Variants in FREM3 observed in about 807,000 individuals in gnomAD.
FREM3 encodes the protein FRAS1 related extracellular matrix 3, also known as FRAS1-related extracellular matrix protein 3.
Under a neutral mutation model 129.1 loss-of-function variants are expected in FREM3, and 105 were observed. The observed-to-expected ratio is 0.81, with a 90% CI of 0.69 to 0.96. The LOEUF (loss-of-function observed/expected upper bound fraction) is 0.96. FREM3 is among the 40% of genes least tolerant of loss of function. The pLI, the probability that FREM3 is intolerant of heterozygous loss-of-function variation, is 0.00. For synonymous variants in FREM3, 1,014 were observed against 1,044.9 expected (o/e 0.97, Z 0.57); for missense variants, 2,593 against 2,666.3 (o/e 0.97, Z 0.61).
chr4:143,596,997 T>C (rs1439412878), intron 6 of FREM3, among the ~76,000 whole-genome samples: 3 of 152,076 alleles, frequency 2.0e-5, no homozygotes, highest in African/African-American at 7.2e-5. Flanking sequence ...AGCATACAGA[T>C]TGGGGTTAAT....
At chr4:143,623,872 A>G (rs1738998808) in intron 4 of FREM3, among the ~76,000 whole-genome samples, 1 of 152,180 alleles carries the variant, frequency 6.6e-6, no homozygotes, top group South Asian at 2.1e-4. Context: ...GGACTTGTAT[A>G]TATATTACAG....
At chr4:143,691,143 T>C (rs1740460401) in intron 2 of FREM3, among the ~76,000 whole-genome samples, 3 of 152,244 alleles carry the variant, frequency 2.0e-5, no homozygotes, top group Admixed American at 2.0e-4. Context: ...GTATATGTAC[T>C]TTAAGATACA....
chr4:143,587,475 A>G (rs981856113), intron 6 of FREM3, among the ~76,000 whole-genome samples: 1 of 152,192 alleles, frequency 6.6e-6, no homozygotes, highest in East Asian at 1.9e-4. Flanking sequence ...TAGTAATTGT[A>G]TGTATTTATG....
intron 6 of FREM3, among the ~76,000 whole-genome samples, chr4:143,590,209 C>A (rs1250283234): frequency 6.6e-6 from 1 of 152,108 alleles, no homozygotes; most frequent in Non-Finnish European, 1.5e-5. Flanking sequence ...TTCCTCTTTT[C>A]CTAATTGAAT....
chr4:143,599,249 A>G (rs903835460), intron 6 of FREM3, among the ~76,000 whole-genome samples: 1 of 152,184 alleles, frequency 6.6e-6, no homozygotes, highest in Non-Finnish European at 1.5e-5. Context: ...ACTCTGGGTC[A>G]ATAGGATTTT....
intron 2 of FREM3, among the ~76,000 whole-genome samples, chr4:143,690,950 G>A (rs1420524356): frequency 6.6e-6 from 1 of 152,106 alleles, no homozygotes; most frequent in Non-Finnish European, 1.5e-5. Context: ...AGAGTTCGAG[G>A]TTGCAGTGCA....
Position 143,697,805 on chromosome 4 carries a change from T to C in FREM3, c.2871A>G (p.Ile957Met). 2 of 1,537,650 alleles carry C rather than the reference T, an allele frequency of 1.3e-6. No homozygotes were observed. The highest frequency in any genetic ancestry group is 1.7e-6 in the Non-Finnish European group (2 of 1,147,012). The stretch of plus-strand genomic sequence containing the variant: ...CAGTGGCTTTATTCTCTAGTACGTC[T>C]ATAGAAACATCCAATAATGAACTAC... ...LRSSSLLDVS[I>M]DVLENKATEI... Residue 957 changes from isoleucine (I) to methionine (M), a missense_variant, in exon 1 of 8, where the codon ATA becomes ATG. Ile to Met is a conservative substitution (Grantham distance 10). Coordinates refer to ENST00000329798, the MANE Select transcript of FREM3 (RefSeq NM_001168235.2).
At chr4:143,662,984 G>T (rs1218184621) in intron 2 of FREM3, among the ~76,000 whole-genome samples, 2 of 152,016 alleles carry the variant, frequency 1.3e-5, no homozygotes, top group Non-Finnish European at 1.5e-5. Context: ...TATTTCTGCA[G>T]GTGAGATGGG....
At chr4:143,671,042 T>C (rs897086910) in intron 2 of FREM3, among the ~76,000 whole-genome samples, 1 of 152,136 alleles carries the variant, frequency 6.6e-6, no homozygotes, top group Non-Finnish European at 1.5e-5. Context: ...TTTTCTATTT[T>C]CAAAAAGTCT....
chr4:143,622,309 GT>G (rs1248512820), intron 4 of FREM3, among the ~76,000 whole-genome samples: 2 of 151,426 alleles, frequency 1.3e-5, no homozygotes, highest in African/African-American at 4.9e-5. Context: ...GGCCAGGCTG[GT>G]CTCGAACTCC....
intron 2 of FREM3, among the ~76,000 whole-genome samples, chr4:143,691,972 AG>A (rs1388895892): frequency 6.6e-6 from 1 of 152,208 alleles, no homozygotes; most frequent in East Asian, 1.9e-4. Flanking sequence ...GGGAAAGGGA[AG>A]GAAGATTTGA....
chr4:143,643,305 G>T (rs1054803121), intron 2 of FREM3, among the ~76,000 whole-genome samples: 11 of 151,912 alleles, frequency 7.2e-5, no homozygotes, highest in Non-Finnish European at 1.2e-4. Context: ...TGCTGAAGAG[G>T]TATCTGCACT....
Position 143,699,490 on chromosome 4 carries a change from A to G in FREM3, c.1186T>C (p.Ser396Pro), listed in dbSNP as rs968967514. 1.3e-6 allele frequency: 2 copies of G among 1,537,234 alleles called. No individual in the cohort carries two copies. The change falls in exon 1 of 8, where the codon TCC becomes CCC. Residue 396 changes from serine to proline, a missense_variant. Physicochemically the swap from Ser to Pro is moderately conservative, Grantham distance 74. Around this residue, in one of 2 missense-constraint regions of FREM3, gnomAD observed 2,276 missense variants for 2,267.2 expected, o/e 1.00. Coordinates refer to ENST00000329798, the MANE Select transcript of FREM3 (RefSeq NM_001168235.2). The surrounding 1 kb of genome is among the most constrained non-coding windows in gnomAD (Gnocchi z 4.2). The stretch of plus-strand genomic sequence containing the variant: ...AGCTGAAAGAGGCGCTCCCCATGGG[A>G]GTTCTCTGCAGGGGGCTGATAGGCA... ...KIAYQPPAEN[S>P]HGERLFQLEL... is the part of the protein sequence containing the mutation.
intron 6 of FREM3, 106 bp downstream of exon 6, chr4:143,611,173 A>G: frequency 8.0e-7 from 1 of 1,256,048 alleles, no homozygotes; most frequent in South Asian, 1.6e-5. Flanking sequence ...AGAACATCAA[A>G]TATTCTTTTA....
At chr4:143,636,649 A>T (rs1560853003) in intron 2 of FREM3, among the ~76,000 whole-genome samples, 1 of 152,102 alleles carries the variant, frequency 6.6e-6, no homozygotes, top group Non-Finnish European at 1.5e-5. Context: ...CCTAAATACT[A>T]TATTTAGGAA....
At chr4:143,627,823 A>G in intron 2 of FREM3, 63 bp from the exon 3 acceptor site, 2 of 1,085,348 alleles carry the variant, frequency 1.8e-6, no homozygotes, top group African/African-American at 1.6e-5. Flanking sequence ...TTCAATGATC[A>G]ATGTGTGCAT....
At chr4:143,627,868 C>T (rs1739070312) in intron 2 of FREM3, 108 bp from the exon 3 acceptor site, 7 of 700,536 alleles carry the variant, frequency 1.0e-5, no homozygotes, top group Non-Finnish European at 1.4e-5. Flanking sequence ...AAAACATACT[C>T]GTTTTATTTT....
chr4:143,697,689 G>A lies in FREM3; in HGVS notation c.2987C>T (p.Thr996Ile), dbSNP rs2149864797. 1 of 1,537,826 alleles carries A rather than the reference G, an allele frequency of 6.5e-7. No individual in the cohort carries two copies. The highest frequency in any genetic ancestry group is 1.4e-5 in the African/African-American group (1 of 73,168). Reference protein sequence around the residue: ...FIVKDSPKLGTILVNGLPTER... With the variant: ...FIVKDSPKLGIILVNGLPTER... ...TGTGGGCAAACCATTTACCAGAATA[G>A]TGCCCAGTTTGGGGCTGTCCTTTAC... Residue 996 changes from threonine (T) to isoleucine (I), a missense_variant, in exon 1 of 8, where the codon ACT becomes ATT. Around this residue, in one of 2 missense-constraint regions of FREM3, gnomAD observed 2,276 missense variants for 2,267.2 expected, o/e 1.00. Coordinates refer to ENST00000329798, the MANE Select transcript of FREM3 (RefSeq NM_001168235.2).
At chr4:143,661,763 C>T (rs1246396919) in intron 2 of FREM3, among the ~76,000 whole-genome samples, 1 of 152,162 alleles carries the variant, frequency 6.6e-6, no homozygotes, top group Non-Finnish European at 1.5e-5. Flanking sequence ...GCCACAATTT[C>T]AGCTCCTGTT....
Sources: allele counts gnomAD v4.1 joint callset (sites outside exome capture counted in the v4.1 genomes callset), GRCh38; gene constraint gnomAD v4.1.1; regional missense constraint gnomAD v4.1.1; non-coding constraint Gnocchi (gnomAD v3.1); transcripts MANE v1.5; gene names NCBI Gene and HGNC (gene_info 2026-07-23, HGNC 2026-07-21).